SDK1: variants seen among roughly 807,000 people sequenced by gnomAD.
SDK1 encodes the protein sidekick cell adhesion molecule 1.
A neutral mutation model predicts 245.5 loss-of-function variants in SDK1; 157 were observed. That is an observed-to-expected ratio of 0.64 (90% CI 0.56 to 0.73). The LOEUF (loss-of-function observed/expected upper bound fraction) is 0.73. SDK1 is among the 30% of genes least tolerant of loss of function. The pLI is 0.00. For missense variants in SDK1, 3,583 were observed against 3,002.3 expected (o/e 1.19, Z -4.52); for synonymous variants, 1,647 against 1,278.5 (o/e 1.29, Z -6.15).
chr7:3,601,942 C>T (rs867033482), intron 1 of SDK1, among the ~76,000 whole-genome samples: 2 of 150,930 alleles, frequency 1.3e-5, no homozygotes, highest in Admixed American at 1.3e-4. Flanking sequence ...GTTTTTTGTC[C>T]TTGTGATATT....
intron 4 of SDK1, among the ~76,000 whole-genome samples, chr7:3,685,340 T>C (rs573313202): frequency 3.3e-5 from 5 of 152,242 alleles, no homozygotes; most frequent in Admixed American, 6.5e-5. Context: ...AAGAACTGTG[T>C]ACAGCAAATT....
At chr7:4,219,805 G>A (rs900271881) in intron 38 of SDK1, among the ~76,000 whole-genome samples, 15 of 29,284 alleles carry the variant, frequency 5.1e-4, no homozygotes, top group East Asian at 3.2e-3. Context: ...CCCTTCCCCC[G>A]CCCCCGCTCC....
At chr7:3,810,501 A>G (rs1431323563) in intron 4 of SDK1, among the ~76,000 whole-genome samples, 1 of 152,204 alleles carries the variant, frequency 6.6e-6, no homozygotes, top group African/African-American at 2.4e-5. Flanking sequence ...TGCTGAAACA[A>G]TTAGTTAAAA....
chr7:3,334,250 A>G (rs1780142755), intron 1 of SDK1, among the ~76,000 whole-genome samples: 1 of 152,166 alleles, frequency 6.6e-6, no homozygotes, highest in African/African-American at 2.4e-5. Context: ...TGGCTCTTCA[A>G]GATTGTTTTG....
intron 44 of SDK1, among the ~76,000 whole-genome samples, chr7:4,249,138 G>T (rs552994068): frequency 1.3e-5 from 2 of 152,290 alleles, no homozygotes; most frequent in East Asian, 1.9e-4. Context: ...GGGGAAGAAG[G>T]GTGGAGGGCA....
intron 16 of SDK1, among the ~76,000 whole-genome samples, chr7:4,014,372 G>A (rs1786227520): frequency 6.6e-6 from 1 of 152,196 alleles, no homozygotes; most frequent in Non-Finnish European, 1.5e-5. Context: ...GTATTTGCAG[G>A]AGCTTAAATC....
chr7:4,061,937 A>G (rs13239501), intron 19 of SDK1, among the ~76,000 whole-genome samples: 1 of 138,956 alleles, frequency 7.2e-6, no homozygotes, highest in South Asian at 2.3e-4. Flanking sequence ...AACAGTGAGA[A>G]CACATGGACA....
At chr7:3,537,722 T>G (rs1778927926) in intron 1 of SDK1, among the ~76,000 whole-genome samples, 1 of 152,188 alleles carries the variant, frequency 6.6e-6, no homozygotes, top group African/African-American at 2.4e-5. Flanking sequence ...TCCAGGAACT[T>G]GACTCTTGAT....
Position 3,978,666 on chromosome 7 carries a change from G to A in SDK1, c.1994+4121G>A, listed in dbSNP as rs115158753. On this transcript the variant is annotated intron_variant, in intron 13 of 44. Coordinates refer to ENST00000404826, the MANE Select transcript of SDK1 (RefSeq NM_152744.4). ...AATAGAATGATAATAATAATAACCC[G>A]TGATTGCAGGGCATTCTGTCCTTCT... 5.9e-3 allele frequency among the ~76,000 whole-genome samples: 900 copies of A among 152,148 alleles called. 8 individuals carry two copies. The highest frequency in any genetic ancestry group is 0.02 in the African/African-American group (823 of 41,492).
chr7:4,224,034 C>T (rs1456800142), intron 40 of SDK1, among the ~76,000 whole-genome samples: 2 of 152,126 alleles, frequency 1.3e-5, no homozygotes, highest in African/African-American at 4.8e-5. Context: ...ATACGTCTTC[C>T]AAGGAACCAC....
chr7:3,474,884 G>T (rs915103243), intron 1 of SDK1, among the ~76,000 whole-genome samples: 3 of 152,034 alleles, frequency 2.0e-5, no homozygotes, highest in Non-Finnish European at 2.9e-5. Context: ...TAGAGACAGG[G>T]TCTCCTTATG....
At chr7:3,949,215 C>G (rs1169135106) in intron 5 of SDK1, among the ~76,000 whole-genome samples, 1 of 152,148 alleles carries the variant, frequency 6.6e-6, no homozygotes, top group African/African-American at 2.4e-5. Flanking sequence ...CCCCAGGGAC[C>G]CAGGGCTGGG....
intron 1 of SDK1, among the ~76,000 whole-genome samples, chr7:3,316,773 G>C (rs1779673407): frequency 6.6e-6 from 1 of 152,118 alleles, no homozygotes; most frequent in Non-Finnish European, 1.5e-5. Context: ...CCGAGGTTTG[G>C]ATGTTCAGTT....
chr7:3,453,848 C>T (rs1780595554), intron 1 of SDK1, among the ~76,000 whole-genome samples: 1 of 152,118 alleles, frequency 6.6e-6, no homozygotes, highest in Non-Finnish European at 1.5e-5. Flanking sequence ...AAGTGATCCT[C>T]CTGCCTTGGC....
intron 16 of SDK1, among the ~76,000 whole-genome samples, chr7:4,014,276 TC>T (rs541343963): frequency 1.3e-3 from 197 of 152,318 alleles, no homozygotes; most frequent in Middle Eastern, 3.4e-3. Flanking sequence ...ACTGCACATT[TC>T]TCTGTTTTGT....
At chr7:3,642,744 T>C (rs1414591397) in intron 4 of SDK1, 1 of 152,202 alleles carries the variant, frequency 6.6e-6, no homozygotes, top group Non-Finnish European at 1.5e-5. Context: ...GAGCTTTAAG[T>C]GATTAAAAAG....
chr7:3,353,819 C>G (rs1780722410), intron 1 of SDK1, among the ~76,000 whole-genome samples: 1 of 151,984 alleles, frequency 6.6e-6, no homozygotes, highest in African/African-American at 2.4e-5. Context: ...GAAAAAGCAG[C>G]CTCCCATGTT....
intron 4 of SDK1, among the ~76,000 whole-genome samples, chr7:3,720,544 A>G (rs1562394984): frequency 6.6e-6 from 1 of 152,196 alleles, no homozygotes; most frequent in Non-Finnish European, 1.5e-5. Flanking sequence ...CTACAAACCC[A>G]TCAGAATGGA....
At chr7:4,016,958 TC>T (rs1786449395) in intron 16 of SDK1, among the ~76,000 whole-genome samples, 1 of 152,218 alleles carries the variant, frequency 6.6e-6, no homozygotes, top group Admixed American at 6.5e-5. Flanking sequence ...AAATGTCAGT[TC>T]CATTTTGCCT....
Sources: gnomAD v4.1 joint callset for allele counts (sites outside exome capture counted in the v4.1 genomes callset) on GRCh38, gnomAD v4.1.1 for gene constraint, MANE v1.5 for transcripts, NCBI Gene and HGNC (gene_info 2026-07-23, HGNC 2026-07-21) for gene names.